SNTG2: variants seen among roughly 807,000 people sequenced by gnomAD.
The protein encoded by SNTG2 is gamma-2-syntrophin.
SNTG2 carries 74 observed loss-of-function variants against 70.9 expected under a neutral mutation model. The ratio of observed to expected loss-of-function variants is 1.04; its 90% CI spans 0.86 to 1.27. SNTG2 has a LOEUF of 1.27. Ranked by LOEUF, SNTG2 falls within the 50% of genes most tolerant of loss-of-function variation. SNTG2 has a pLI of 0.00. For missense variants in SNTG2, 717 were observed against 690.7 expected, an observed-to-expected ratio of 1.04 and a Z score of -0.43; for synonymous variants, 278 against 273.8, an observed-to-expected ratio of 1.02 and a Z score of -0.15.
At chr2:1,152,377 G>A (rs57993800) in intron 6 of SNTG2, among the ~76,000 whole-genome samples, 2,905 of 152,338 alleles carry the variant, frequency 0.019, 95 homozygotes, top group African/African-American at 0.064. Flanking sequence ...ATGCATGTAC[G>A]TGTGAGGCCG....
At chr2:988,374 C>A (rs185093395) in intron 1 of SNTG2, among the ~76,000 whole-genome samples, 1 of 152,180 alleles carries the variant, frequency 6.6e-6, no homozygotes, top group Admixed American at 6.5e-5. Context: ...GTTCTGTGTC[C>A]CTAGAGTTGT....
intron 11 of SNTG2, among the ~76,000 whole-genome samples, chr2:1,244,216 G>A (rs1239792192): frequency 6.6e-6 from 1 of 152,198 alleles, no homozygotes; most frequent in Non-Finnish European, 1.5e-5. Context: ...CTCAGACCAC[G>A]TTGGCAGGGA....
intron 14 of SNTG2, among the ~76,000 whole-genome samples, chr2:1,307,972 TTTTG>T (rs1558194831): frequency 2.0e-5 from 3 of 152,136 alleles, no homozygotes; most frequent in Non-Finnish European, 2.9e-5. Context: ...CCGATGTAGT[TTTTG>T]TTTGTTTTTG....
At chr2:1,091,655 T>G (rs1461179455) in intron 2 of SNTG2, among the ~76,000 whole-genome samples, 1 of 152,106 alleles carries the variant, frequency 6.6e-6, no homozygotes, top group African/African-American at 2.4e-5. Context: ...CTGAAGAAAC[T>G]CATACTCAGG....
chr2:951,394 A>C (rs1659956904), intron 1 of SNTG2, among the ~76,000 whole-genome samples: 1 of 152,120 alleles, frequency 6.6e-6, no homozygotes. Context: ...TTGGGATTTG[A>C]GATTGGCCCG....
intron 15 of SNTG2, among the ~76,000 whole-genome samples, chr2:1,315,247 G>A (rs1681219484): frequency 6.6e-6 from 1 of 152,146 alleles, no homozygotes; most frequent in African/African-American, 2.4e-5. Flanking sequence ...CGTAAAATGC[G>A]GAGATTCTAT....
intron 14 of SNTG2, among the ~76,000 whole-genome samples, chr2:1,270,015 A>G (rs1467141675): frequency 2.0e-5 from 3 of 152,126 alleles, no homozygotes; most frequent in African/African-American, 7.2e-5. Context: ...ACAACTCAGC[A>G]AAGTGGATGC....
At chr2:1,115,590 C>T (rs115320184) in intron 4 of SNTG2, among the ~76,000 whole-genome samples, 181 of 150,560 alleles carry the variant, frequency 1.2e-3, no homozygotes, top group Non-Finnish European at 2.3e-3. Flanking sequence ...TGAGGTTTGT[C>T]CCTTACTGTC....
intron 4 of SNTG2, among the ~76,000 whole-genome samples, chr2:1,109,759 G>T: frequency 6.6e-6 from 1 of 152,202 alleles, no homozygotes; most frequent in Middle Eastern, 3.4e-3. Flanking sequence ...ATAATGCTTC[G>T]TAAGAATTTA....
At chr2:1,079,972 T>C (rs1664174985) in intron 1 of SNTG2, among the ~76,000 whole-genome samples, 1 of 152,228 alleles carries the variant, frequency 6.6e-6, no homozygotes, top group South Asian at 2.1e-4. Context: ...CACTGCTCAC[T>C]GTGGACGCTG....
chr2:1,245,595 C>T (rs1274757000), intron 11 of SNTG2, among the ~76,000 whole-genome samples: 1 of 152,142 alleles, frequency 6.6e-6, no homozygotes, highest in Non-Finnish European at 1.5e-5. Flanking sequence ...CAAGCATCTG[C>T]TAAATTTGCT....
At chr2:1,198,103 CA>C (rs1287028879) in intron 8 of SNTG2, among the ~76,000 whole-genome samples, 1 of 149,990 alleles carries the variant, frequency 6.7e-6, no homozygotes, top group African/African-American at 2.4e-5. Context: ...CATTAGGCCA[CA>C]AAAAAAAGTG....
chr2:1,199,465 C>G (rs1244764849), intron 8 of SNTG2, among the ~76,000 whole-genome samples: 3 of 151,926 alleles, frequency 2.0e-5, no homozygotes, highest in African/African-American at 7.2e-5. Context: ...TGTAATAAGA[C>G]AAAGATGCCC....
chr2:974,634 C>T (rs1357445842), intron 1 of SNTG2, among the ~76,000 whole-genome samples: 3 of 152,168 alleles, frequency 2.0e-5, no homozygotes, highest in African/African-American at 7.2e-5. Flanking sequence ...GGTGTCTTAT[C>T]AGCTGAAGTT....
chr2:1,207,286 C>T (rs892125326), intron 8 of SNTG2, among the ~76,000 whole-genome samples: 1 of 152,228 alleles, frequency 6.6e-6, no homozygotes, highest in African/African-American at 2.4e-5. Context: ...GAATGAATAT[C>T]TGTAAAATTC....
At chr2:1,117,004 C>T (rs1293832873) in intron 4 of SNTG2, among the ~76,000 whole-genome samples, 2 of 143,400 alleles carry the variant, frequency 1.4e-5, no homozygotes, top group East Asian at 2.1e-4. Context: ...TGTACGAGTG[C>T]CCTGGTGTGT....
intron 8 of SNTG2, among the ~76,000 whole-genome samples, chr2:1,188,983 C>G (rs950186473): frequency 6.6e-6 from 1 of 151,956 alleles, no homozygotes; most frequent in Non-Finnish European, 1.5e-5. Flanking sequence ...GATAAGCACA[C>G]TATGACAAGA....
intron 16 of SNTG2, among the ~76,000 whole-genome samples, chr2:1,318,577 C>T (rs1304084668): frequency 9.2e-5 from 14 of 152,248 alleles, no homozygotes; most frequent in Admixed American, 9.2e-4. Context: ...GCAGGCAAGG[C>T]GCTGACCTCT....
At chr2:1,071,262 C>T (rs1016764880) in intron 1 of SNTG2, among the ~76,000 whole-genome samples, 1 of 150,830 alleles carries the variant, frequency 6.6e-6, no homozygotes, top group Admixed American at 6.6e-5. Flanking sequence ...AAATGTCCAA[C>T]AATGATAGAC....
Sources: allele counts gnomAD v4.1 joint callset (sites outside exome capture counted in the v4.1 genomes callset), GRCh38; gene constraint gnomAD v4.1.1; transcripts MANE v1.5; gene names NCBI Gene and HGNC (gene_info 2026-07-23, HGNC 2026-07-21).